CCNH: variants seen among roughly 807,000 people sequenced by gnomAD.
The protein encoded by CCNH is cyclin-H.
Under a neutral mutation model 41.9 loss-of-function variants are expected in CCNH, and 31 were observed. The observed-to-expected ratio is 0.74, with a 90% CI of 0.56 to 1.00. The LOEUF is 1.00. CCNH is among the 50% of genes least tolerant of loss of function. The pLI is 0.00. For synonymous variants in CCNH, 138 were observed against 136.1 expected (o/e 1.01, Z -0.10); for missense variants, 362 against 388.4 (o/e 0.93, Z 0.57).
intron 9 of CCNH, chr5:87,330,915 T>C (rs1182152392): frequency 7.3e-7 from 1 of 1,372,590 alleles, no homozygotes; most frequent in East Asian, 2.6e-5. Flanking sequence ...TAAAATGGAA[T>C]AAAACATTTT....
At chr5:87,349,576 A>G (rs1339602358) in intron 9 of CCNH, among the ~76,000 whole-genome samples, 1 of 151,916 alleles carries the variant, frequency 6.6e-6, no homozygotes, top group Non-Finnish European at 1.5e-5. Flanking sequence ...TTTCCTTCCA[A>G]AACAATTTTT....
chr5:87,383,815 T>C, intron 9 of CCNH: 1 of 1,535,632 alleles, frequency 6.5e-7, no homozygotes, highest in Non-Finnish European at 9.0e-7. Context: ...AAATTCAAAA[T>C]ATTAGAATTA....
chr5:87,394,281 A>T lies in CCNH; in HGVS notation c.*165T>A. ...AACAGGTGCTATTCTAGCTCTTTTG[A>T]AGATGGTTTATTTTACATAAAGTTA... is the stretch of plus-strand genomic sequence containing the variant. On this transcript the variant is annotated 3_prime_UTR_variant, in exon 9 of 9. Transcript: ENST00000256897. 7.5e-7 allele frequency: 1 copy of T among 1,328,264 alleles called. No homozygotes were observed. Among genetic ancestry groups the T allele is most frequent in the Non-Finnish European group, 9.7e-7 (1 of 1,035,272 alleles). The allele number at this position is 1,328,264 out of a possible 1,614,324, so 82.3% of individuals were successfully genotyped here.
At chr5:87,342,680 G>A (rs1272526200) in intron 9 of CCNH, among the ~76,000 whole-genome samples, 3 of 152,148 alleles carry the variant, frequency 2.0e-5, no homozygotes, top group Non-Finnish European at 2.9e-5. Flanking sequence ...ATTCACTCAC[G>A]GTGTTAGGGA....
At chr5:87,363,787 CA>C (rs1760298177) in intron 9 of CCNH, among the ~76,000 whole-genome samples, 2 of 152,196 alleles carry the variant, frequency 1.3e-5, no homozygotes, top group Admixed American at 6.5e-5. Flanking sequence ...GAGTCTTTGT[CA>C]CCTTTCCTCT....
intron 9 of CCNH, chr5:87,333,142 A>G: frequency 2.1e-6 from 3 of 1,409,790 alleles, no homozygotes; most frequent in Non-Finnish European, 2.8e-6. Flanking sequence ...CCAAGTAAAA[A>G]TTTATTTGAA....
At chr5:87,412,570 A>C in intron 1 of CCNH, 108 bp downstream of exon 1, 1 of 1,499,852 alleles carries the variant, frequency 6.7e-7, no homozygotes, top group Non-Finnish European at 8.9e-7. Flanking sequence ...TCCGCGCCGC[A>C]GAGGCAGAGA....
intron 9 of CCNH, chr5:87,330,999 T>A: frequency 7.1e-7 from 1 of 1,406,658 alleles, no homozygotes; most frequent in Non-Finnish European, 9.3e-7. Context: ...AAATTAATCA[T>A]TTCCATTTGT....
chr5:87,320,598 C>T (rs750639493), intron 9 of CCNH, among the ~76,000 whole-genome samples: 41 of 152,066 alleles, frequency 2.7e-4, no homozygotes, highest in Admixed American at 5.2e-4. Context: ...TCAGATCTTG[C>T]GGGAATTTAC....
chr5:87,322,543 C>T lies in CCNH; in HGVS notation c.*91-3646G>A, dbSNP rs146092293. 2.6e-4 allele frequency among the ~76,000 whole-genome samples: 39 copies of T among 152,252 alleles called. No individual in the cohort carries two copies. In the South Asian group the frequency reaches 3.7e-3, roughly 15 times the overall value. On this transcript the variant is annotated intron_variant and NMD_transcript_variant, in intron 9 of 9. Transcript: ENST00000645953. ...GTTTAAAGGAGCCTGGCTCCTCCCC[C>T]CTTCTCTTGCTCTCTCTGGTCATGT...
In CCNH at chr5:87,404,947, TAAG is replaced by T. The variant is rs1253583604; in HGVS notation, c.583_585del (p.Leu195del). 4 of 1,613,192 alleles carry T rather than the reference TAAG, an allele frequency of 2.5e-6. No individual in the cohort carries two copies. Among genetic ancestry groups the T allele is most frequent in the Non-Finnish European group, 3.4e-6 (4 of 1,179,390 alleles). On this transcript the variant is annotated inframe_deletion, in exon 5 of 9. Transcript: ENST00000256897. ...TAAGCATCCGTCAATGCAATTCTAT[TAAG>T]AAAGTCATCAGCTGTTTTCCTCAAA...
At chr5:87,326,076 A>G (rs1580267169) in intron 9 of CCNH, among the ~76,000 whole-genome samples, 1 of 152,028 alleles carries the variant, frequency 6.6e-6, no homozygotes, top group Non-Finnish European at 1.5e-5. Context: ...GGCTTAAGCT[A>G]TCCTCCCATC....
At chr5:87,380,654 A>T (rs1488352098), upstream of CCNH, 51 of 1,393,980 alleles carry the variant, frequency 3.7e-5, no homozygotes, top group Non-Finnish European at 5.2e-5. Flanking sequence ...ATTGTGAAAA[A>T]TTGAGGAATA....
intron 6 of CCNH, among the ~76,000 whole-genome samples, chr5:87,401,434 G>T (rs3093818): frequency 0.012 from 1,817 of 152,132 alleles, 28 homozygotes; most frequent in African/African-American, 0.041. Flanking sequence ...TCTTTAAAAG[G>T]ATCCTGTTGT....
chr5:87,343,998 A>G (rs1580313945), intron 9 of CCNH, among the ~76,000 whole-genome samples: 1 of 152,268 alleles, frequency 6.6e-6, no homozygotes, highest in Non-Finnish European at 1.5e-5. Flanking sequence ...TCTCACTCAT[A>G]TGGGTGCAAA....
chr5:87,390,010 G>A (rs565689916), downstream of CCNH, among the ~76,000 whole-genome samples: 1 of 152,228 alleles, frequency 6.6e-6, no homozygotes, highest in Admixed American at 6.5e-5. Context: ...AACTCTTAGA[G>A]GAATTTATAG....
At chr5:87,407,152 C>A (rs1763854950) in intron 4 of CCNH, among the ~76,000 whole-genome samples, 1 of 152,156 alleles carries the variant, frequency 6.6e-6, no homozygotes, top group Admixed American at 6.5e-5. Context: ...CTCTCCTATT[C>A]CTACTCTGAA....
intron 9 of CCNH, chr5:87,385,456 TTG>T: frequency 8.1e-7 from 1 of 1,229,570 alleles, no homozygotes; most frequent in Non-Finnish European, 1.2e-6. Context: ...AAACCATAAA[TTG>T]TGGCTTAAGT....
chr5:87,376,192 ACT>A (rs1761314068), downstream of CCNH: 13 of 631,926 alleles, frequency 2.1e-5, no homozygotes, highest in South Asian at 2.1e-4. Context: ...TCATCTCTGT[ACT>A]CTCTACCTAT....
Sources: gnomAD v4.1 joint callset for allele counts (sites outside exome capture counted in the v4.1 genomes callset) on GRCh38, gnomAD v4.1.1 for gene constraint, MANE v1.5 for transcripts, NCBI Gene and HGNC (gene_info 2026-07-23, HGNC 2026-07-21) for gene names.